Variants in ZNF385D observed in about 807,000 individuals in gnomAD.
The protein encoded by ZNF385D is zinc finger protein 385D.
ZNF385D carries 15 observed loss-of-function variants against 35.8 expected under a neutral mutation model. That is an observed-to-expected ratio of 0.42 (90% CI 0.28 to 0.64). ZNF385D has a LOEUF of 0.64. ZNF385D is among the 30% of genes least tolerant of loss of function. The probability of loss-of-function intolerance (pLI) is 0.23; values close to 1 mark genes in which losing one functional copy is unlikely to be tolerated. For missense variants in ZNF385D, 474 were observed against 494.6 expected (o/e 0.96, Z 0.39); for synonymous variants, 212 against 186.8 (o/e 1.13, Z -1.10).
chr3:22,364,328 A>G (rs970505864), intron 2 of ZNF385D, among the ~76,000 whole-genome samples: 2 of 152,080 alleles, frequency 1.3e-5, no homozygotes, highest in Non-Finnish European at 2.9e-5. Context: ...ATAACCACAG[A>G]CTGGGAGAAA....
At chr3:22,191,181 C>T (rs1410871010) in intron 2 of ZNF385D, among the ~76,000 whole-genome samples, 1 of 147,228 alleles carries the variant, frequency 6.8e-6, no homozygotes, top group African/African-American at 2.5e-5. Flanking sequence ...AAATAGTGTG[C>T]CATATTGACC....
chr3:22,214,564 T>C (rs13070565), intron 2 of ZNF385D, among the ~76,000 whole-genome samples: 55,650 of 151,866 alleles, frequency 0.37, 10,705 homozygotes, highest in African/African-American at 0.47. Context: ...CAAGGAACAT[T>C]CCTGAGAAAG....
At chr3:21,941,762 G>A (rs572089944) in intron 3 of ZNF385D, among the ~76,000 whole-genome samples, 2 of 151,888 alleles carry the variant, frequency 1.3e-5, no homozygotes, top group African/African-American at 4.8e-5. Context: ...CTCCCAAAGT[G>A]CTGGGATTAC....
intron 3 of ZNF385D, among the ~76,000 whole-genome samples, chr3:21,547,322 T>G (rs2062409873): frequency 1.3e-5 from 2 of 152,266 alleles, no homozygotes; most frequent in South Asian, 4.1e-4. Context: ...CCTCTCCCTG[T>G]GCAAACTGGT....
rs550081323 is a variant in ZNF385D, at chr3:21,694,285, T to G, written c.23-29257A>C. ...GTCTTGACCTCATGATCCACCCACC[T>G]TGGCCTCCCAAAGTGCTGGGATTAC... On this transcript the variant is annotated intron_variant, in intron 1 of 7. Transcript: ENST00000281523. Among the ~76,000 whole-genome samples the G allele has an allele frequency of 5.2e-3, 792 of 152,102 alleles. 7 individuals are homozygous for G. The highest frequency in any genetic ancestry group is 0.014 in the Middle Eastern group (4 of 294).
At chr3:21,843,333 G>C (rs1695797285) in intron 3 of ZNF385D, among the ~76,000 whole-genome samples, 1 of 151,946 alleles carries the variant, frequency 6.6e-6, no homozygotes, top group African/African-American at 2.4e-5. Flanking sequence ...GCCTAGTCAA[G>C]AAGGTCACCA....
intron 2 of ZNF385D, among the ~76,000 whole-genome samples, chr3:22,369,838 C>G (rs1388416644): frequency 1.3e-5 from 2 of 152,114 alleles, no homozygotes; most frequent in Admixed American, 6.5e-5. Flanking sequence ...ACTAACATTA[C>G]TTAGCTGAAG....
chr3:21,845,265 TA>T (rs1265524629), intron 3 of ZNF385D, among the ~76,000 whole-genome samples: 2 of 151,954 alleles, frequency 1.3e-5, no homozygotes, highest in African/African-American at 4.8e-5. Context: ...TATTGAGATT[TA>T]AATTTGCCTG....
At position 22,039,128 on chromosome 3, in the gene ZNF385D, T is replaced by C. The variant is rs528757702; in HGVS notation, c.325+129689A>G. On this transcript the variant is annotated intron_variant, in intron 3 of 5. Coordinates refer to the ZNF385D transcript ENST00000494108. ...TGAACGAGCCAGAAGTGGAAGCATA[T>C]AGCAAAACTATGTAAAAAGTAGCAA... Among the ~76,000 whole-genome samples the C allele has an allele frequency of 1.5e-4, 23 of 151,460 alleles. No individual in the cohort carries two copies. In the South Asian group the frequency reaches 4.0e-3, roughly 26 times the overall value.
intron 3 of ZNF385D, among the ~76,000 whole-genome samples, chr3:22,025,115 G>A (rs1350083263): frequency 6.6e-6 from 1 of 152,172 alleles, no homozygotes; most frequent in Non-Finnish European, 1.5e-5. Context: ...TGGGGACACT[G>A]AGTTTGTAAA....
At chr3:22,158,036 A>G (rs1324916932) in intron 3 of ZNF385D, among the ~76,000 whole-genome samples, 2 of 152,124 alleles carry the variant, frequency 1.3e-5, no homozygotes, top group African/African-American at 4.8e-5. Context: ...ATGTAAGATG[A>G]AAGAGGGAAT....
At chr3:21,569,922 A>AGGGGGGGGGGGGGGG (rs1575210384) in intron 2 of ZNF385D, among the ~76,000 whole-genome samples, 8 of 115,308 alleles carry the variant, frequency 6.9e-5, no homozygotes, top group Admixed American at 9.4e-5. Context: ...GTGGGGGGGC[A>AGGGGGGGGGGGGGGG]GGGAGGGATA....
intron 4 of ZNF385D, among the ~76,000 whole-genome samples, chr3:21,468,395 C>A (rs1314862839): frequency 2.4e-5 from 2 of 84,176 alleles, no homozygotes. Flanking sequence ...GAGCAAGACA[C>A]TGTCTCAAAA....
chr3:21,696,185 A>G (rs2067463357), intron 1 of ZNF385D, among the ~76,000 whole-genome samples: 1 of 152,234 alleles, frequency 6.6e-6, no homozygotes, highest in Non-Finnish European at 1.5e-5. Flanking sequence ...AGGACTGATC[A>G]GTCAGGATGT....
intron 2 of ZNF385D, among the ~76,000 whole-genome samples, chr3:21,572,386 A>G (rs368433162): frequency 2.6e-5 from 4 of 152,276 alleles, no homozygotes; most frequent in South Asian, 2.1e-4. Context: ...TTCAGTTTTC[A>G]TATTTACCAA....
chr3:21,692,014 C>A (rs547091679), intron 1 of ZNF385D, among the ~76,000 whole-genome samples: 2 of 152,152 alleles, frequency 1.3e-5, no homozygotes, highest in African/African-American at 2.4e-5. Context: ...CTCCACTTAG[C>A]ATAATGTTTT....
At chr3:21,956,433 G>A (rs967987910) in intron 3 of ZNF385D, among the ~76,000 whole-genome samples, 1 of 138,530 alleles carries the variant, frequency 7.2e-6, no homozygotes, top group Admixed American at 7.1e-5. Flanking sequence ...AAGTTTGAGT[G>A]GGAGAAGAAG....
chr3:21,738,611 C>A (rs1477527889), intron 1 of ZNF385D, among the ~76,000 whole-genome samples: 2 of 152,170 alleles, frequency 1.3e-5, no homozygotes, highest in Non-Finnish European at 2.9e-5. Flanking sequence ...ATCTCAGGAC[C>A]TGGGTTTTAA....
At chr3:21,719,862 GAAGAC>G (rs1373554501) in intron 1 of ZNF385D, among the ~76,000 whole-genome samples, 3 of 152,158 alleles carry the variant, frequency 2.0e-5, no homozygotes, top group Non-Finnish European at 2.9e-5. Flanking sequence ...TTTAAACTAA[GAAGAC>G]AAGAACCCAG....
Sources: gnomAD v4.1 joint callset for allele counts (sites outside exome capture counted in the v4.1 genomes callset) on GRCh38, gnomAD v4.1.1 for gene constraint, MANE v1.5 for transcripts, NCBI Gene and HGNC (gene_info 2026-07-23, HGNC 2026-07-21) for gene names.